Variants in PHACTR4 observed in about 807,000 individuals in gnomAD.
PHACTR4 encodes phosphatase and actin regulator 4, also known as protein phosphatase 1, regulatory subunit 124.
In PHACTR4, 51 loss-of-function variants were observed where a neutral mutation model predicts 72.7. The observed-to-expected ratio is 0.70, with a 90% CI of 0.56 to 0.89. PHACTR4 has a LOEUF of 0.89. Ranked by LOEUF, PHACTR4 falls within the 40% of genes least tolerant of loss-of-function variation. The probability of loss-of-function intolerance (pLI) is 0.00; values close to 1 mark genes in which losing one functional copy is unlikely to be tolerated. For synonymous variants in PHACTR4, 255 were observed against 302.5 expected (o/e 0.84, Z 1.63); for missense variants, 731 against 861.8 (o/e 0.85, Z 1.90).
chr1:28,387,031 G>A (rs906974122), intron 1 of PHACTR4, among the ~76,000 whole-genome samples: 4 of 151,862 alleles, frequency 2.6e-5, no homozygotes, highest in Non-Finnish European at 4.4e-5. Context: ...GGGAGGTTGA[G>A]GCAGGTGGAT....
chr1:28,432,847 C>T (rs184676049), intron 2 of PHACTR4: 1 of 152,484 alleles, frequency 6.6e-6, no homozygotes, highest in Admixed American at 6.5e-5. Flanking sequence ...TCAAACAATC[C>T]TTCTGCCTCA....
chr1:28,371,576 T>C (rs1651247743), intron 1 of PHACTR4, among the ~76,000 whole-genome samples: 1 of 151,906 alleles, frequency 6.6e-6, no homozygotes, highest in South Asian at 2.1e-4. Context: ...ATTACAAGCG[T>C]GAGCCACCGT....
intron 2 of PHACTR4, among the ~76,000 whole-genome samples, chr1:28,448,761 CAAAAAA>C (rs777343479): frequency 4.9e-5 from 1 of 20,354 alleles, no homozygotes; most frequent in East Asian, 1.9e-3. Context: ...GACTCCATCT[CAAAAAA>C]AAAAAAAAAA....
intron 2 of PHACTR4, among the ~76,000 whole-genome samples, chr1:28,427,261 C>T (rs1352453225): frequency 2.0e-5 from 3 of 152,158 alleles, no homozygotes; most frequent in Non-Finnish European, 4.4e-5. Context: ...CGCAGTGGCT[C>T]ACACCTGTAA....
intron 1 of PHACTR4, among the ~76,000 whole-genome samples, chr1:28,385,606 T>A (rs1652500568): frequency 6.8e-6 from 1 of 147,336 alleles, no homozygotes; most frequent in Non-Finnish European, 1.5e-5. Context: ...TTGTATGGTT[T>A]TAAGTGAATT....
Position 28,496,756 on chromosome 1 carries a change from T to C in PHACTR4, c.*207T>C. The C allele has an allele frequency of 1.6e-6, 1 of 618,314 alleles. No individual in the cohort carries two copies. 38.3% of individuals were successfully genotyped at this position (618,314 alleles called of 1,614,324 possible). On this transcript the variant is annotated 3_prime_UTR_variant, in exon 14 of 14. Transcript: ENST00000373839. ...GGGCAAAACAACACTTTGTCAGTGCTTTTGAACCTTTCAATATTGTAGCAT... is the reference window on the plus strand; with the variant it reads ...GGGCAAAACAACACTTTGTCAGTGCCTTTGAACCTTTCAATATTGTAGCAT...
intron 2 of PHACTR4, among the ~76,000 whole-genome samples, chr1:28,407,935 A>G (rs1654473969): frequency 6.6e-6 from 1 of 152,096 alleles, no homozygotes; most frequent in Admixed American, 6.5e-5. Flanking sequence ...CCTGGCCAAC[A>G]TGACAAAACC....
intron 2 of PHACTR4, among the ~76,000 whole-genome samples, chr1:28,421,224 C>T (rs554923772): frequency 6.6e-6 from 1 of 152,178 alleles, no homozygotes; most frequent in South Asian, 2.1e-4. Flanking sequence ...CTGTTTGAAA[C>T]GTCAATGAAA....
At chr1:28,400,889 G>A (rs777030277) in intron 1 of PHACTR4, among the ~76,000 whole-genome samples, 14 of 152,068 alleles carry the variant, frequency 9.2e-5, no homozygotes, top group Non-Finnish European at 1.8e-4. Flanking sequence ...CTGAGTGAAG[G>A]GTTTTAAGAA....
chr1:28,414,207 A>T (rs1023460556), intron 2 of PHACTR4, among the ~76,000 whole-genome samples: 4 of 151,618 alleles, frequency 2.6e-5, no homozygotes, highest in African/African-American at 7.3e-5. Context: ...CTCCCGAGTA[A>T]CTGGGATTAC....
intron 1 of PHACTR4, among the ~76,000 whole-genome samples, chr1:28,399,186 C>T (rs1442207012): frequency 6.6e-6 from 1 of 152,030 alleles, no homozygotes; most frequent in Admixed American, 6.6e-5. Flanking sequence ...GTGGCACATG[C>T]CGGTAATCTC....
chr1:28,483,815 A>C (rs2124532191), intron 9 of PHACTR4, among the ~76,000 whole-genome samples: 1 of 151,688 alleles, frequency 6.6e-6, no homozygotes, highest in South Asian at 2.1e-4. Flanking sequence ...AAAAAAAAAA[A>C]AAAAGAGAGA....
chr1:28,412,921 G>A (rs1189227340), intron 2 of PHACTR4, among the ~76,000 whole-genome samples: 1 of 152,164 alleles, frequency 6.6e-6, no homozygotes, highest in Non-Finnish European at 1.5e-5. Context: ...TAGCTCTGTG[G>A]TTTCTCCTAA....
At chr1:28,418,571 A>G (rs1177169503) in intron 2 of PHACTR4, among the ~76,000 whole-genome samples, 1 of 152,200 alleles carries the variant, frequency 6.6e-6, no homozygotes, top group African/African-American at 2.4e-5. Flanking sequence ...AATTACATGT[A>G]GATTAAATCC....
chr1:28,437,387 G>A (rs1656700800), intron 2 of PHACTR4, among the ~76,000 whole-genome samples: 1 of 152,006 alleles, frequency 6.6e-6, no homozygotes, highest in Admixed American at 6.6e-5. Flanking sequence ...ATGCCACCAT[G>A]CCTGGCTAAT....
intron 1 of PHACTR4, among the ~76,000 whole-genome samples, chr1:28,399,317 A>G (rs1653773079): frequency 6.6e-6 from 1 of 152,158 alleles, no homozygotes; most frequent in Non-Finnish European, 1.5e-5. Context: ...GTCTCAAAAA[A>G]TATATATATG....
intron 1 of PHACTR4, among the ~76,000 whole-genome samples, chr1:28,377,788 G>A (rs1286296928): frequency 2.0e-5 from 3 of 150,050 alleles, no homozygotes; most frequent in Admixed American, 6.7e-5. Flanking sequence ...CCGTAATTGC[G>A]CCACTGCACT....
At chr1:28,378,580 CTT>C (rs1553181674) in intron 1 of PHACTR4, among the ~76,000 whole-genome samples, 1,761 of 63,450 alleles carry the variant, frequency 0.028, 15 homozygotes, top group African/African-American at 0.045. Flanking sequence ...CCCCCCCCCC[CTT>C]TTTTTTTAAC....
At chr1:28,443,263 G>GTCTTTCTGTCCTTCTT (rs1553194106) in intron 2 of PHACTR4, among the ~76,000 whole-genome samples, 2 of 150,982 alleles carry the variant, frequency 1.3e-5, no homozygotes, top group Non-Finnish European at 2.9e-5. Context: ...GGATTTCATT[G>GTCTTTCTGTCCTTCTT]TCTTTCTTTC....
Sources: allele counts gnomAD v4.1 joint callset (sites outside exome capture counted in the v4.1 genomes callset), GRCh38; gene constraint gnomAD v4.1.1; transcripts MANE v1.5; gene names NCBI Gene and HGNC (gene_info 2026-07-23, HGNC 2026-07-21).